Variants in ADGRL3 observed in about 807,000 individuals in gnomAD.
ADGRL3 encodes the protein calcium-independent alpha-latrotoxin receptor 3.
In ADGRL3, 62 loss-of-function variants were observed where a neutral mutation model predicts 153.5. That is an observed-to-expected ratio of 0.40 (90% CI 0.33 to 0.50). The LOEUF (loss-of-function observed/expected upper bound fraction) is 0.50. Among genes scored for constraint, ADGRL3 ranks in the 20% least tolerant of loss-of-function variants. ADGRL3 has a pLI of 0.47. For missense variants in ADGRL3, 1,641 were observed against 1,859.4 expected (o/e 0.88, Z 2.16); for synonymous variants, 710 against 672.5 (o/e 1.06, Z -0.86).
intron 6 of ADGRL3, among the ~76,000 whole-genome samples, chr4:61,683,431 G>A (rs1260762001): frequency 3.3e-5 from 5 of 152,090 alleles, no homozygotes; most frequent in Non-Finnish European, 7.4e-5. Flanking sequence ...TTAAGCAAAA[G>A]GAAAGCTCTC....
chr4:61,231,866 T>C (rs1206831178), intron 1 of ADGRL3, among the ~76,000 whole-genome samples: 1 of 151,354 alleles, frequency 6.6e-6, no homozygotes, highest in Non-Finnish European at 1.5e-5. Flanking sequence ...TTGGGAGGAG[T>C]GTATTTCAGC....
At chr4:61,663,457 A>T (rs1243853320) in intron 5 of ADGRL3, among the ~76,000 whole-genome samples, 2 of 152,122 alleles carry the variant, frequency 1.3e-5, no homozygotes, top group African/African-American at 4.8e-5. Context: ...TGCCTACCCC[A>T]CCGCAGCCGG....
intron 5 of ADGRL3, among the ~76,000 whole-genome samples, chr4:61,600,587 G>A (rs1197891503): frequency 1.3e-5 from 2 of 152,066 alleles, no homozygotes; most frequent in African/African-American, 4.8e-5. Context: ...TTGCTTTGAA[G>A]GCTTATTATA....
chr4:61,859,111 C>T (rs528259304), intron 9 of ADGRL3, among the ~76,000 whole-genome samples: 2 of 152,258 alleles, frequency 1.3e-5, no homozygotes, highest in Admixed American at 1.3e-4. Context: ...CACTTCTGGA[C>T]TCATCCCAGC....
chr4:61,786,862 A>G (rs1295126794), intron 8 of ADGRL3, among the ~76,000 whole-genome samples: 1 of 152,126 alleles, frequency 6.6e-6, no homozygotes, highest in African/African-American at 2.4e-5. Context: ...GACAACTCTC[A>G]TTTTATAGTG....
intron 8 of ADGRL3, among the ~76,000 whole-genome samples, chr4:61,803,103 A>G (rs1393912596): frequency 3.9e-5 from 6 of 152,240 alleles, no homozygotes; most frequent in Non-Finnish European, 7.4e-5. Flanking sequence ...AAAACTCCCC[A>G]GTGATAGTAC....
chr4:61,515,504 T>C (rs1389546075), intron 3 of ADGRL3, among the ~76,000 whole-genome samples: 2 of 152,276 alleles, frequency 1.3e-5, no homozygotes, highest in Middle Eastern at 3.4e-3. Flanking sequence ...TTCATTAAAG[T>C]AGCTTTGTGG....
intron 5 of ADGRL3, among the ~76,000 whole-genome samples, chr4:61,648,093 A>G (rs528731163): frequency 6.6e-6 from 1 of 152,196 alleles, no homozygotes; most frequent in Non-Finnish European, 1.5e-5. Context: ...ACTGACATGT[A>G]TTTAAATAAT....
At chr4:61,867,604 A>T (rs1409651891) in intron 9 of ADGRL3, among the ~76,000 whole-genome samples, 2 of 147,036 alleles carry the variant, frequency 1.4e-5, no homozygotes, top group African/African-American at 2.5e-5. Flanking sequence ...CTATAACAAA[A>T]GACAAATTAA....
At chr4:61,967,872 CAG>C (rs2099012572) in intron 17 of ADGRL3, among the ~76,000 whole-genome samples, 2 of 152,248 alleles carry the variant, frequency 1.3e-5, no homozygotes, top group Admixed American at 6.5e-5. Flanking sequence ...TTATAAAAAA[CAG>C]AGATTTATTT....
In ADGRL3 at chr4:61,618,798, C is replaced by A. The variant is rs528840736; in HGVS notation, c.473+31358C>A. 3.4e-4 allele frequency among the ~76,000 whole-genome samples: 51 copies of A among 152,212 alleles called. No individual in the cohort carries two copies. The Middle Eastern group carries it at 0.01, about 30-fold the overall frequency. ...ATGGCAGGATCATAGCTCACTGGAA[C>A]CTCAACCTCCCTGGGTCAAGTGACA... On this transcript the variant is annotated intron_variant, in intron 5 of 26. Transcript: ENST00000683033.
intron 1 of ADGRL3, among the ~76,000 whole-genome samples, chr4:61,249,228 G>A (rs1429474257): frequency 6.6e-6 from 1 of 152,062 alleles, no homozygotes; most frequent in South Asian, 2.1e-4. Flanking sequence ...TCAACATTGT[G>A]TTCGGCAAAA....
chr4:61,483,351 A>G (rs1311225649), intron 2 of ADGRL3, among the ~76,000 whole-genome samples: 1 of 152,252 alleles, frequency 6.6e-6, no homozygotes, highest in Non-Finnish European at 1.5e-5. Context: ...ATTATAAAAT[A>G]TACCAAAGTA....
intron 19 of ADGRL3, 29 bp downstream of exon 19, chr4:61,983,632 A>G (rs749026923): frequency 6.3e-7 from 1 of 1,591,704 alleles, no homozygotes; most frequent in Non-Finnish European, 8.6e-7. Context: ...TTCTTTTTAA[A>G]TCTAGGTGAA....
chr4:61,960,288 A>G (rs2098982887), intron 17 of ADGRL3, among the ~76,000 whole-genome samples: 1 of 152,144 alleles, frequency 6.6e-6, no homozygotes, highest in African/African-American at 2.4e-5. Context: ...TCCTGAAGGA[A>G]GTGAGAGAGT....
chr4:61,516,246 G>A (rs2098493912), intron 3 of ADGRL3, among the ~76,000 whole-genome samples: 1 of 152,020 alleles, frequency 6.6e-6, no homozygotes, highest in Non-Finnish European at 1.5e-5. Flanking sequence ...TAAATTTCTA[G>A]TGTTAGCAAG....
At chr4:61,330,203 G>A (rs1020430664) in intron 1 of ADGRL3, among the ~76,000 whole-genome samples, 2 of 152,158 alleles carry the variant, frequency 1.3e-5, no homozygotes, top group Non-Finnish European at 2.9e-5. Context: ...TTACTTGACT[G>A]GGATATGGGA....
intron 9 of ADGRL3, among the ~76,000 whole-genome samples, chr4:61,885,364 G>A (rs2098532445): frequency 6.6e-6 from 1 of 151,900 alleles, no homozygotes; most frequent in African/African-American, 2.4e-5. Context: ...AAAAACAGTG[G>A]GTCTCCTTAA....
chr4:61,518,587 T>C (rs1388676865), intron 4 of ADGRL3, among the ~76,000 whole-genome samples: 1 of 152,196 alleles, frequency 6.6e-6, no homozygotes, highest in Non-Finnish European at 1.5e-5. Flanking sequence ...AATTCTTCAA[T>C]TACTGTGGCC....
Sources: gnomAD v4.1 joint callset for allele counts (sites outside exome capture counted in the v4.1 genomes callset) on GRCh38, gnomAD v4.1.1 for gene constraint, MANE v1.5 for transcripts, NCBI Gene and HGNC (gene_info 2026-07-23, HGNC 2026-07-21) for gene names.